Variants in MICU3 observed in about 807,000 individuals in gnomAD.
MICU3 encodes calcium uptake protein 3, mitochondrial.
MICU3 carries 62 observed loss-of-function variants against 66.5 expected under a neutral mutation model. The ratio of observed to expected loss-of-function variants is 0.93; its 90% confidence interval spans 0.76 to 1.15. The LOEUF (loss-of-function observed/expected upper bound fraction) is 1.15. Among genes scored for constraint, MICU3 ranks in the 50% most tolerant of loss-of-function variants. The pLI, the probability that MICU3 is intolerant of heterozygous loss-of-function variation, is 0.00. For synonymous variants in MICU3, 308 were observed against 240.7 expected (o/e 1.28, Z -2.59); for missense variants, 779 against 664.4 (o/e 1.17, Z -1.90).
chr8:17,048,124 G>A (rs1453572037), intron 1 of MICU3, among the ~76,000 whole-genome samples: 1 of 151,976 alleles, frequency 6.6e-6, no homozygotes, highest in Non-Finnish European at 1.5e-5. Context: ...ATATTTAGAG[G>A]AATATATATG....
At chr8:17,094,985 G>C (rs973247989) in intron 8 of MICU3, among the ~76,000 whole-genome samples, 1 of 151,920 alleles carries the variant, frequency 6.6e-6, no homozygotes, top group Non-Finnish European at 1.5e-5. Context: ...TTCTACTAGA[G>C]ATATATAATC....
Position 17,116,507 on chromosome 8 carries a change from T to A in MICU3, c.1431T>A (p.Thr477=). The change falls in exon 13 of 15, where the codon ACT becomes ACA. Residue 477 remains threonine (T), a synonymous_variant. Coordinates refer to ENST00000318063, the MANE Select transcript of MICU3 (RefSeq NM_181723.3). ...AATTTTCACCACATTTAGTGAACACTGTCTTCAAGATTTTTGATGTTGACA... is the reference window on the plus strand; with the variant it reads ...AATTTTCACCACATTTAGTGAACACAGTCTTCAAGATTTTTGATGTTGACA... ...GLKFSPHLVN[T]VFKIFDVDKD... The A allele has an allele frequency of 1.3e-6, 2 of 1,567,146 alleles. No individual in the cohort carries two copies. Among genetic ancestry groups the A allele is most frequent in the Non-Finnish European group, 1.7e-6 (2 of 1,163,288 alleles).
At chr8:17,082,488 T>C (rs185528316) in intron 5 of MICU3, among the ~76,000 whole-genome samples, 251 of 152,326 alleles carry the variant, frequency 1.6e-3, no homozygotes, top group Non-Finnish European at 8.4e-4. Context: ...CATATCAGAC[T>C]ATTTGAAAGT....
chr8:17,078,443 A>G (rs1370327229), intron 4 of MICU3, among the ~76,000 whole-genome samples: 1 of 152,098 alleles, frequency 6.6e-6, no homozygotes, highest in East Asian at 1.9e-4. Flanking sequence ...CAATCAAATT[A>G]TATGGCTTTT....
chr8:17,107,700 T>C (rs914793523), intron 11 of MICU3, among the ~76,000 whole-genome samples: 1 of 152,178 alleles, frequency 6.6e-6, no homozygotes, highest in Non-Finnish European at 1.5e-5. Context: ...ACAGAGACCA[T>C]GTAGCCAGTA....
intron 1 of MICU3, among the ~76,000 whole-genome samples, chr8:17,058,550 G>A (rs571851444): frequency 3.2e-4 from 48 of 151,780 alleles, no homozygotes; most frequent in Non-Finnish European, 4.4e-5. Flanking sequence ...TTTCTTGAAT[G>A]TTTATAATTG....
At chr8:17,054,447 G>A (rs1816579568) in intron 1 of MICU3, among the ~76,000 whole-genome samples, 1 of 152,106 alleles carries the variant, frequency 6.6e-6, no homozygotes. Context: ...TTTAGATTTA[G>A]AATTTTTGGT....
intron 1 of MICU3, among the ~76,000 whole-genome samples, chr8:17,049,273 C>T (rs942842143): frequency 1.2e-4 from 19 of 152,092 alleles, no homozygotes; most frequent in African/African-American, 4.6e-4. Context: ...AAGAAAAAGC[C>T]AGACAGTAGG....
At chr8:17,091,856 A>G (rs1313164621) in intron 8 of MICU3, among the ~76,000 whole-genome samples, 1 of 151,992 alleles carries the variant, frequency 6.6e-6, no homozygotes, top group Non-Finnish European at 1.5e-5. Context: ...TATACTACTT[A>G]GGACTTTATG....
chr8:17,061,708 GAAA>G (rs1817850917), intron 1 of MICU3, among the ~76,000 whole-genome samples: 1 of 152,062 alleles, frequency 6.6e-6, no homozygotes, highest in Non-Finnish European at 1.5e-5. Flanking sequence ...GGCCTAGCAA[GAAA>G]AAAGTAGAAA....
At chr8:17,118,880 T>C (rs1189875879) in intron 14 of MICU3, 105 bp downstream of exon 14, 2 of 652,454 alleles carry the variant, frequency 3.1e-6, no homozygotes, top group African/African-American at 1.9e-5. Context: ...TAGAATTATC[T>C]AATTTATTTT....
chr8:17,108,542 T>G (rs1248443403), intron 11 of MICU3, among the ~76,000 whole-genome samples: 1 of 152,092 alleles, frequency 6.6e-6, no homozygotes, highest in Non-Finnish European at 1.5e-5. Flanking sequence ...TGGCCAAAAT[T>G]TTGGACTCCC....
At chr8:17,034,397 C>A (rs1812617737) in intron 1 of MICU3, among the ~76,000 whole-genome samples, 1 of 152,204 alleles carries the variant, frequency 6.6e-6, no homozygotes, top group Non-Finnish European at 1.5e-5. Context: ...ATTCTGCAGT[C>A]CATGGATCAA....
chr8:17,031,622 T>G (rs1209842087), intron 1 of MICU3, among the ~76,000 whole-genome samples: 1 of 152,096 alleles, frequency 6.6e-6, no homozygotes, highest in East Asian at 1.9e-4. Flanking sequence ...GTGATATAAA[T>G]GATTCATTTT....
chr8:17,050,210 C>T (rs1436776776), intron 1 of MICU3, among the ~76,000 whole-genome samples: 4 of 152,076 alleles, frequency 2.6e-5, no homozygotes, highest in Non-Finnish European at 5.9e-5. Flanking sequence ...CTAAGATTTA[C>T]TTCTACATGT....
chr8:17,042,315 C>T (rs528932664), intron 1 of MICU3, among the ~76,000 whole-genome samples: 2 of 152,308 alleles, frequency 1.3e-5, no homozygotes, highest in South Asian at 4.1e-4. Context: ...TCTCACTGCT[C>T]TCCTGTAATT....
At chr8:17,069,465 C>T (rs1487345634) in intron 2 of MICU3, among the ~76,000 whole-genome samples, 1 of 152,054 alleles carries the variant, frequency 6.6e-6, no homozygotes, top group African/African-American at 2.4e-5. Context: ...GAAATGTTTC[C>T]TGTATCACTG....
chr8:17,056,807 G>A (rs1223085181), intron 1 of MICU3, among the ~76,000 whole-genome samples: 2 of 152,208 alleles, frequency 1.3e-5, no homozygotes, highest in Admixed American at 6.5e-5. Context: ...GGTGGCCTTC[G>A]TGAGAATCAC....
rs541310492 is a variant in MICU3, at chr8:17,040,813, C to T, written c.381+13153C>T. Reference sequence around the variant, plus strand: ...ATGATTTCAGTTACCAGTGACCAACCTCTGTCTGAAAATAATAAATGGAAA... The same window carrying T: ...ATGATTTCAGTTACCAGTGACCAACTTCTGTCTGAAAATAATAAATGGAAA... On this transcript the variant is annotated intron_variant, in intron 1 of 14. Coordinates refer to ENST00000318063, the MANE Select transcript of MICU3 (RefSeq NM_181723.3). Among the ~76,000 whole-genome samples, 3 of 152,234 alleles carry T rather than the reference C, an allele frequency of 2.0e-5. No homozygotes were observed. In the East Asian group the frequency reaches 5.8e-4, roughly 29 times the overall value.
Sources: allele counts gnomAD v4.1 joint callset (sites outside exome capture counted in the v4.1 genomes callset), GRCh38; gene constraint gnomAD v4.1.1; transcripts MANE v1.5; gene names NCBI Gene and HGNC (gene_info 2026-07-23, HGNC 2026-07-21).